The following STS variants were observed in gnomAD, a reference collection of about 807,000 sequenced individuals.
STS encodes the protein steryl-sulfatase.
In STS, 7 loss-of-function variants were observed where a neutral mutation model predicts 26.8. The observed-to-expected ratio is 0.26, with a 90% confidence interval of 0.15 to 0.49. The LOEUF is 0.49. Ranked by LOEUF, STS falls within the 20% of genes least tolerant of loss-of-function variation. The pLI is 0.98. For missense variants in STS, 434 were observed against 465.6 expected (o/e 0.93, Z 0.63); for synonymous variants, 199 against 189.4 (o/e 1.05, Z -0.42).
At position 7,259,584 on chromosome X, in the gene STS, G is replaced by A. The variant is rs372923918; in HGVS notation, c.618G>A (p.Val206=). Residue 206 remains valine, a synonymous_variant, in exon 6 of 11, where the codon GTG becomes GTA. Transcript: ENST00000674429. ...TCAATTGTCTGGGGCTACTCCACGTGCCTCTAGGCGTTTTTTTCAGCCTTC... is the reference window on the plus strand; with the variant it reads ...TCAATTGTCTGGGGCTACTCCACGTACCTCTAGGCGTTTTTTTCAGCCTTC... ...AALNCLGLLH[V]PLGVFFSLLF... is the part of the protein sequence containing the mutation. The A allele has an allele frequency of 9.1e-6, 11 of 1,209,490 alleles. No individual in the cohort carries two copies. The highest frequency in any genetic ancestry group is 1.1e-5 in the Non-Finnish European group (10 of 895,060).
intron 7 of STS, among the ~76,000 whole-genome samples, chrX:7,304,202 C>T (rs1414037453): frequency 1.8e-5 from 2 of 111,914 alleles, no homozygotes; most frequent in Non-Finnish European, 3.8e-5. Flanking sequence ...TTGAACAAAT[C>T]GGCCTTTTAC....
chrX:7,192,335 G>T (rs1361142043), intron 2 of STS, among the ~76,000 whole-genome samples: 1 of 111,743 alleles, frequency 8.9e-6, no homozygotes, highest in Admixed American at 9.5e-5. Context: ...AGGCCGAGGC[G>T]GGCAGATCGC....
chrX:7,345,035 G>A (rs1451749858), intron 10 of STS, among the ~76,000 whole-genome samples: 2 of 110,895 alleles, frequency 1.8e-5, no homozygotes, highest in East Asian at 2.9e-4. Context: ...AGAGGCTTGC[G>A]TCACTATGAG....
At chrX:7,163,443 C>T (rs1408291601) in intron 1 of STS, among the ~76,000 whole-genome samples, 1 of 112,334 alleles carries the variant, frequency 8.9e-6, no homozygotes, top group African/African-American at 3.2e-5. Flanking sequence ...TTTGCTAGAG[C>T]TTGTCACAGC....
chrX:7,147,957 C>G lies in STS; in HGVS notation c.-260C>G, dbSNP rs1295654754. ...GAGCGTCCCTGCATGAACACCGCCC[C>G]GCCGCGGCCCCCAGGCCGTGACGTA... On this transcript the variant is annotated 5_prime_UTR_variant, in exon 1 of 11. Transcript: ENST00000674429. 1 of 682,178 alleles carries G rather than the reference C, an allele frequency of 1.5e-6. No homozygotes were observed. Among genetic ancestry groups the G allele is most frequent in the East Asian group, 4.5e-5 (1 of 22,126 alleles). The allele number at this position is 682,178 out of a possible 1,213,427, so 56.2% of individuals were successfully genotyped here. A position where few individuals can be genotyped will look rare whatever the true frequency, so the allele number is the denominator to read the frequency against.
chrX:7,228,509 T>G, intron 2 of STS, among the ~76,000 whole-genome samples: 1 of 112,526 alleles, frequency 8.9e-6, no homozygotes, highest in East Asian at 2.8e-4. Flanking sequence ...CATGTGCTTC[T>G]TGGCATTTGT....
chrX:7,205,308 C>T (rs1200286128), intron 2 of STS, among the ~76,000 whole-genome samples: 1 of 111,906 alleles, frequency 8.9e-6, no homozygotes, highest in Non-Finnish European at 1.9e-5. Context: ...TATTATTCAT[C>T]ACGTTTTGTT....
intron 1 of STS, among the ~76,000 whole-genome samples, chrX:7,171,067 C>T (rs915925823): frequency 9.0e-6 from 1 of 111,555 alleles, no homozygotes; most frequent in Non-Finnish European, 1.9e-5. Flanking sequence ...ACTCAGAGGC[C>T]TCTGCAAAAC....
intron 6 of STS, among the ~76,000 whole-genome samples, chrX:7,266,839 A>T (rs887757686): frequency 2.0e-4 from 22 of 112,235 alleles, no homozygotes; most frequent in African/African-American, 7.1e-4. Flanking sequence ...ACATAATGGG[A>T]CATGTTCAAG....
chrX:7,335,939 G>A (rs1423427313), intron 10 of STS, among the ~76,000 whole-genome samples: 1 of 111,539 alleles, frequency 9.0e-6, no homozygotes, highest in Non-Finnish European at 1.9e-5. Context: ...TCTTATTTCT[G>A]AGGACTCTGT....
intron 1 of STS, among the ~76,000 whole-genome samples, chrX:7,185,492 T>C (rs1403670977): frequency 1.8e-5 from 2 of 113,034 alleles, no homozygotes; most frequent in Non-Finnish European, 3.7e-5. Context: ...TGGCTTTTTT[T>C]TCACTGTGGT....
At chrX:7,201,513 A>G (rs1349904186) in intron 2 of STS, among the ~76,000 whole-genome samples, 1 of 110,320 alleles carries the variant, frequency 9.1e-6, no homozygotes, top group Non-Finnish European at 1.9e-5. Context: ...AATCATTATT[A>G]TTATAGAGAA....
At chrX:7,338,080 G>T (rs1304614223) in intron 10 of STS, among the ~76,000 whole-genome samples, 2 of 111,698 alleles carry the variant, frequency 1.8e-5, no homozygotes, top group African/African-American at 6.5e-5. Context: ...CATTTTATAA[G>T]AACTCATGAA....
intron 10 of STS, among the ~76,000 whole-genome samples, chrX:7,341,713 G>T (rs1222419817): frequency 9.0e-6 from 1 of 111,176 alleles, no homozygotes; most frequent in East Asian, 2.8e-4. Context: ...TTGGCTTCTT[G>T]TCTGCTCACC....
In STS at chrX:7,188,259, A is replaced by G. The variant is rs182629538; in HGVS notation, c.-133-2621A>G. Among the ~76,000 whole-genome samples the G allele has an allele frequency of 8.0e-4, 89 of 111,628 alleles. 1 individual carries two copies. Among genetic ancestry groups the G allele is most frequent in the African/African-American group, 2.7e-3 (83 of 30,743 alleles). On this transcript the variant is annotated intron_variant, in intron 1 of 10. Coordinates refer to ENST00000674429, the MANE Select transcript of STS (RefSeq NM_001320752.2). ...ATGAGCATTGGATGAGTGATCTAGC[A>G]CAGCATTCCTAAACCTTGGCACTGT...
intron 1 of STS, among the ~76,000 whole-genome samples, chrX:7,175,507 A>G (rs781728861): frequency 1.5e-4 from 17 of 110,586 alleles, no homozygotes; most frequent in South Asian, 7.8e-4. Context: ...AAAACAAAAC[A>G]AAACAAAACC....
At chrX:7,296,638 G>T (rs1172251124) in intron 7 of STS, among the ~76,000 whole-genome samples, 1 of 112,243 alleles carries the variant, frequency 8.9e-6, no homozygotes, top group Non-Finnish European at 1.9e-5. Context: ...TCCCATCTAT[G>T]CAGGAAAACA....
intron 1 of STS, among the ~76,000 whole-genome samples, chrX:7,161,516 C>G (rs1601621395): frequency 9.0e-6 from 1 of 111,524 alleles, no homozygotes. Flanking sequence ...ATGAACCAAC[C>G]AAATGGATGA....
intron 2 of STS, among the ~76,000 whole-genome samples, chrX:7,204,280 T>C (rs1298394760): frequency 4.5e-5 from 5 of 112,007 alleles, no homozygotes; most frequent in African/African-American, 1.6e-4. Context: ...TGGCATGCCA[T>C]AATATTTGCC....
Sources: allele counts gnomAD v4.1 joint callset (sites outside exome capture counted in the v4.1 genomes callset), GRCh38; gene constraint gnomAD v4.1.1; transcripts MANE v1.5; gene names NCBI Gene and HGNC (gene_info 2026-07-23, HGNC 2026-07-21).